Variants in C3orf70 observed in about 807,000 individuals in gnomAD.
The protein encoded by C3orf70 is UPF0524 protein C3orf70.
C3orf70 carries 15 observed loss-of-function variants against 20.7 expected under a neutral mutation model. The observed-to-expected ratio is 0.72, with a 90% CI of 0.48 to 1.11. The LOEUF (loss-of-function observed/expected upper bound fraction) is 1.11. Among genes scored for constraint, C3orf70 ranks in the 50% most tolerant of loss-of-function variants. The pLI, the probability that C3orf70 is intolerant of heterozygous loss-of-function variation, is 0.00. For missense variants in C3orf70, 332 were observed against 317.6 expected (o/e 1.05, Z -0.34); for synonymous variants, 161 against 125.7 (o/e 1.28, Z -1.88).
intron 1 of C3orf70, among the ~76,000 whole-genome samples, chr3:185,102,749 C>T (rs1364135069): frequency 6.6e-6 from 1 of 152,052 alleles, no homozygotes. Context: ...CAAAATAAGG[C>T]CACACACCTG....
intron 1 of C3orf70, among the ~76,000 whole-genome samples, chr3:185,135,541 C>G (rs780597781): frequency 1.3e-5 from 2 of 152,134 alleles, no homozygotes; most frequent in Non-Finnish European, 2.9e-5. Flanking sequence ...TGGGTACAAA[C>G]ATACATTAGA....
chr3:185,111,329 T>A (rs1279637702), intron 1 of C3orf70, among the ~76,000 whole-genome samples: 1 of 152,152 alleles, frequency 6.6e-6, no homozygotes, highest in Non-Finnish European at 1.5e-5. Context: ...AGAAAATATT[T>A]GCCAGTCATA....
At chr3:185,094,659 TAAA>T (rs772826039) in intron 1 of C3orf70, among the ~76,000 whole-genome samples, 4 of 144,224 alleles carry the variant, frequency 2.8e-5, no homozygotes, top group African/African-American at 7.6e-5. Flanking sequence ...TCTGGTAGAT[TAAA>T]AAAAAAAAAA....
chr3:185,101,863 A>G (rs183028780), intron 1 of C3orf70, among the ~76,000 whole-genome samples: 4 of 152,340 alleles, frequency 2.6e-5, no homozygotes, highest in Admixed American at 2.0e-4. Flanking sequence ...GGCTTTCAAT[A>G]AAGTTCAACA....
intron 1 of C3orf70, among the ~76,000 whole-genome samples, chr3:185,091,904 CACACATACATAT>C (rs1479558494): frequency 1.3e-5 from 1 of 78,120 alleles, no homozygotes; most frequent in African/African-American, 4.3e-5. Flanking sequence ...CATACACACA[CACACATACATAT>C]ATATATATAT....
At chr3:185,133,770 T>C (rs1716568031) in intron 1 of C3orf70, among the ~76,000 whole-genome samples, 1 of 151,594 alleles carries the variant, frequency 6.6e-6, no homozygotes, top group African/African-American at 2.4e-5. Context: ...AAAACACATC[T>C]ATTACACATA....
At chr3:185,123,339 A>C (rs907129206) in intron 1 of C3orf70, among the ~76,000 whole-genome samples, 9 of 152,008 alleles carry the variant, frequency 5.9e-5, no homozygotes, top group Non-Finnish European at 1.2e-4. Flanking sequence ...CGGCTCTTTG[A>C]AAGAGGACAT....
At chr3:185,115,935 C>T (rs566644087) in intron 1 of C3orf70, among the ~76,000 whole-genome samples, 11 of 152,294 alleles carry the variant, frequency 7.2e-5, no homozygotes, top group African/African-American at 2.4e-4. Flanking sequence ...AAGGTCTCAC[C>T]GCTCCTAAAA....
At chr3:185,094,203 G>C (rs555200916) in intron 1 of C3orf70, among the ~76,000 whole-genome samples, 25 of 147,204 alleles carry the variant, frequency 1.7e-4, no homozygotes, top group African/African-American at 5.0e-4. Context: ...TCAGCCTCCT[G>C]AGTAGCTGGG....
chr3:185,152,714 G>T lies in C3orf70; in HGVS notation c.110C>A (p.Pro37Gln), dbSNP rs544846128. 2 of 1,593,726 alleles carry T rather than the reference G, an allele frequency of 1.3e-6. No homozygotes were observed. Among genetic ancestry groups the T allele is most frequent in the East Asian group, 4.7e-5 (2 of 42,218 alleles). The change falls in exon 1 of 2, where the codon CCG becomes CAG. Residue 37 changes from proline (P) to glutamine (Q), a missense_variant. Coordinates refer to ENST00000335012, the MANE Select transcript of C3orf70 (RefSeq NM_001025266.3). Reference sequence around the variant, plus strand: ...GGCACAGATAGACAGCCCGTCGCACGGCTGGAAGTCGGGTCTGCGGGCGGC... The same window carrying T: ...GGCACAGATAGACAGCCCGTCGCACTGCTGGAAGTCGGGTCTGCGGGCGGC... ...SCAARRPDFQ[P>Q]CDGLSICATH... is the part of the protein sequence containing the mutation.
At chr3:185,120,484 C>T (rs34842231) in intron 1 of C3orf70, among the ~76,000 whole-genome samples, 9,004 of 152,112 alleles carry the variant, frequency 0.059, 373 homozygotes, top group South Asian at 0.1. Flanking sequence ...ATACACCCAA[C>T]AAAGGACTAA....
chr3:185,120,019 C>G, intron 1 of C3orf70, among the ~76,000 whole-genome samples: 1 of 1,854 alleles, frequency 5.4e-4, no homozygotes, highest in Non-Finnish European at 1.4e-3. Flanking sequence ...TAGACTCTGT[C>G]TCAAAAAAAA....
intron 1 of C3orf70, among the ~76,000 whole-genome samples, chr3:185,121,157 C>T (rs891240745): frequency 2.6e-5 from 4 of 152,172 alleles, no homozygotes; most frequent in South Asian, 2.1e-4. Context: ...TACGTTCTCA[C>T]TCATAAATGG....
rs115014111 is a variant in C3orf70, at chr3:185,124,901, T to C, written c.196+27727A>G. Among the ~76,000 whole-genome samples, 1,448 of 152,278 alleles carry C rather than the reference T, an allele frequency of 9.5e-3. 24 individuals are homozygous for C. The highest frequency in any genetic ancestry group is 0.033 in the African/African-American group (1,351 of 41,556). ...ATTATACAGATGGCAAACCAGCACA[T>C]GAAAAGATGTCCAACATCATTACGT... On this transcript the variant is annotated intron_variant, in intron 1 of 1. Coordinates refer to ENST00000335012, the MANE Select transcript of C3orf70 (RefSeq NM_001025266.3).
Position 185,125,346 on chromosome 3 carries a change from C to T in C3orf70, c.196+27282G>A, listed in dbSNP as rs147985272. ...GGTGAGCTGACACCATGCCATTGCA[C>T]TCCAGCCTGGGCAACAAGAGTGAAA... On this transcript the variant is annotated intron_variant, in intron 1 of 1. Transcript: ENST00000335012. 1.2e-3 allele frequency among the ~76,000 whole-genome samples: 189 copies of T among 152,012 alleles called. 1 individual carries two copies. Among genetic ancestry groups the T allele is most frequent in the African/African-American group, 4.2e-3 (175 of 41,460 alleles).
chr3:185,118,135 A>C lies in C3orf70; in HGVS notation c.196+34493T>G, dbSNP rs548857044. ...TAATATGTCCCCAAGGCAGTATTAC[A>C]TTGTATATGTCTGGCATATAATAGA... On this transcript the variant is annotated intron_variant, in intron 1 of 1. Transcript: ENST00000335012. Among the ~76,000 whole-genome samples, 4 of 152,338 alleles carry C rather than the reference A, an allele frequency of 2.6e-5. No homozygotes were observed. The South Asian group carries it at 8.3e-4, about 32-fold the overall frequency.
At chr3:185,130,081 T>C (rs932207907) in intron 1 of C3orf70, among the ~76,000 whole-genome samples, 3 of 152,238 alleles carry the variant, frequency 2.0e-5, no homozygotes, top group African/African-American at 4.8e-5. Flanking sequence ...CTTTTCTTCC[T>C]AGAAAATTAT....
At position 185,093,792 on chromosome 3, in the gene C3orf70, T is replaced by C. The variant is rs776505547; in HGVS notation, c.197-10229A>G. On this transcript the variant is annotated intron_variant, in intron 1 of 1. Coordinates refer to ENST00000335012, the MANE Select transcript of C3orf70 (RefSeq NM_001025266.3). ...CAATAATGGGGGGCGGGGGGACGTATGGGATGCCTGAGGGATGGTGAGGTG... is the reference window on the plus strand; with the variant it reads ...CAATAATGGGGGGCGGGGGGACGTACGGGATGCCTGAGGGATGGTGAGGTG... Among the ~76,000 whole-genome samples the C allele has an allele frequency of 2.0e-5, 3 of 151,774 alleles. No individual in the cohort carries two copies. The South Asian group carries it at 6.3e-4, about 32-fold the overall frequency.
At chr3:185,148,777 T>C (rs1716925965) in intron 1 of C3orf70, among the ~76,000 whole-genome samples, 1 of 152,220 alleles carries the variant, frequency 6.6e-6, no homozygotes, top group Non-Finnish European at 1.5e-5. Context: ...ATATGATGCT[T>C]TCCTCCCAGG....
Sources: gnomAD v4.1 joint callset for allele counts (sites outside exome capture counted in the v4.1 genomes callset) on GRCh38, gnomAD v4.1.1 for gene constraint, MANE v1.5 for transcripts, NCBI Gene and HGNC (gene_info 2026-07-23, HGNC 2026-07-21) for gene names.